The following ARHGAP24 variants were observed in gnomAD, a reference collection of about 807,000 sequenced individuals.
ARHGAP24 encodes rho GTPase-activating protein 24.
Under a neutral mutation model 76.4 loss-of-function variants are expected in ARHGAP24, and 50 were observed. The ratio of observed to expected loss-of-function variants is 0.65; its 90% CI spans 0.52 to 0.83. ARHGAP24 has a LOEUF of 0.83. Ranked by LOEUF, ARHGAP24 falls within the 40% of genes least tolerant of loss-of-function variation. ARHGAP24 has a pLI of 0.00. For missense variants in ARHGAP24, 930 were observed against 914.2 expected (o/e 1.02, Z -0.22); for synonymous variants, 345 against 323.3 (o/e 1.07, Z -0.72).
intron 2 of ARHGAP24, among the ~76,000 whole-genome samples, chr4:85,585,227 C>A (rs182768045): frequency 6.6e-6 from 1 of 152,178 alleles, no homozygotes; most frequent in Non-Finnish European, 1.5e-5. Flanking sequence ...GATTTGTTAA[C>A]AAAAGCAGAT....
At chr4:85,556,539 A>G (rs1276336768) in intron 1 of ARHGAP24, among the ~76,000 whole-genome samples, 2 of 152,184 alleles carry the variant, frequency 1.3e-5, no homozygotes, top group African/African-American at 2.4e-5. Flanking sequence ...CTGCAACTGC[A>G]ATGTCATACA....
intron 2 of ARHGAP24, among the ~76,000 whole-genome samples, chr4:85,621,613 A>AT (rs1003239504): frequency 1.4e-4 from 21 of 150,512 alleles, no homozygotes; most frequent in Non-Finnish European, 2.2e-4. Context: ...TAATGGAGTT[A>AT]TTTTTTTTTC....
At chr4:85,743,138 G>A (rs1342310732) in intron 3 of ARHGAP24, among the ~76,000 whole-genome samples, 1 of 151,924 alleles carries the variant, frequency 6.6e-6, no homozygotes, top group African/African-American at 2.4e-5. Flanking sequence ...AAAGCAAAGA[G>A]AAGACAGTGT....
chr4:85,570,364 C>CTCTTTCTT (rs56272553), intron 1 of ARHGAP24, among the ~76,000 whole-genome samples, 158 bp from the exon 2 acceptor site: 3 of 140,012 alleles, frequency 2.1e-5, no homozygotes, highest in African/African-American at 8.1e-5. Flanking sequence ...TTCTTTCTTT[C>CTCTTTCTT]TCTTTCTTTC....
At chr4:85,767,431 T>C (rs886600433) in intron 3 of ARHGAP24, among the ~76,000 whole-genome samples, 1 of 152,116 alleles carries the variant, frequency 6.6e-6, no homozygotes, top group African/African-American at 2.4e-5. Flanking sequence ...CACATTCACA[T>C]GTGAATGCTT....
chr4:85,519,311 A>G lies in ARHGAP24; in HGVS notation c.-21+43752A>G, dbSNP rs535725671. 2.6e-5 allele frequency among the ~76,000 whole-genome samples: 4 copies of G among 152,210 alleles called. No individual in the cohort carries two copies. In the South Asian group the frequency reaches 6.2e-4, roughly 24 times the overall value. ...TATATATTTACTTTTTAACACATTT[A>G]TTATACCACTATCTAAGGGAAGAAA... On this transcript the variant is annotated intron_variant, in intron 1 of 9. Coordinates refer to ENST00000395184, the MANE Select transcript of ARHGAP24 (RefSeq NM_001025616.3).
At chr4:85,788,487 A>G (rs193032945) in intron 3 of ARHGAP24, among the ~76,000 whole-genome samples, 198 of 152,294 alleles carry the variant, frequency 1.3e-3, no homozygotes, top group African/African-American at 4.6e-3. Context: ...AGGGATTTCA[A>G]AGCTTGAAAT....
intron 3 of ARHGAP24, among the ~76,000 whole-genome samples, chr4:85,751,675 C>T (rs556374797): frequency 1.3e-5 from 2 of 152,160 alleles, no homozygotes; most frequent in Non-Finnish European, 2.9e-5. Context: ...ACTACAAAAG[C>T]ATGGTTTCCT....
chr4:85,911,142 G>A (rs1735053701), intron 3 of ARHGAP24, among the ~76,000 whole-genome samples: 1 of 152,202 alleles, frequency 6.6e-6, no homozygotes, highest in Non-Finnish European at 1.5e-5. Context: ...ACCCAGGAGG[G>A]CGGGGCTCCT....
chr4:85,719,958 G>A (rs1724865287), intron 2 of ARHGAP24, among the ~76,000 whole-genome samples: 1 of 152,020 alleles, frequency 6.6e-6, no homozygotes, highest in African/African-American at 2.4e-5. Context: ...ATTTATAGAA[G>A]GGTAGTTGCT....
At chr4:85,748,176 C>T (rs943370648) in intron 3 of ARHGAP24, among the ~76,000 whole-genome samples, 1 of 152,222 alleles carries the variant, frequency 6.6e-6, no homozygotes, top group African/African-American at 2.4e-5. Flanking sequence ...GTCTTTAACA[C>T]CAGTGAGCAA....
chr4:85,894,626 A>T (rs890105814), intron 3 of ARHGAP24, among the ~76,000 whole-genome samples: 1 of 152,158 alleles, frequency 6.6e-6, no homozygotes, highest in African/African-American at 2.4e-5. Flanking sequence ...TCATTAAAGT[A>T]TTTAGCAGGA....
At chr4:85,625,268 T>G (rs1720900886) in intron 2 of ARHGAP24, among the ~76,000 whole-genome samples, 2 of 152,216 alleles carry the variant, frequency 1.3e-5, no homozygotes, top group African/African-American at 4.8e-5. Context: ...TCTGGTACGT[T>G]GTGTCTTTGT....
intron 2 of ARHGAP24, among the ~76,000 whole-genome samples, chr4:85,693,336 C>G (rs1325065031): frequency 6.6e-6 from 1 of 152,132 alleles, no homozygotes; most frequent in Non-Finnish European, 1.5e-5. Context: ...TGGGCAGAGG[C>G]TGCAGCAAAG....
At chr4:85,936,730 GC>G (rs1195859346) in intron 4 of ARHGAP24, among the ~76,000 whole-genome samples, 2 of 152,128 alleles carry the variant, frequency 1.3e-5, no homozygotes, top group Non-Finnish European at 2.9e-5. Context: ...AGGGGATGAG[GC>G]AATGGAATGT....
intron 3 of ARHGAP24, among the ~76,000 whole-genome samples, chr4:85,838,013 A>T (rs1464449779): frequency 6.6e-6 from 1 of 152,182 alleles, no homozygotes; most frequent in Non-Finnish European, 1.5e-5. Flanking sequence ...TTCTGTTAAC[A>T]TTCTTTATTG....
intron 2 of ARHGAP24, among the ~76,000 whole-genome samples, chr4:85,697,630 G>A (rs1723918296): frequency 6.6e-6 from 1 of 152,200 alleles, no homozygotes; most frequent in Non-Finnish European, 1.5e-5. Context: ...TGTTCTAGAA[G>A]ACAGGTTAAC....
intron 2 of ARHGAP24, among the ~76,000 whole-genome samples, chr4:85,668,372 G>T (rs1290639384): frequency 6.6e-6 from 1 of 152,142 alleles, no homozygotes; most frequent in Admixed American, 6.6e-5. Context: ...CTGGGTGCAG[G>T]CACTTAGCTA....
At chr4:85,677,062 C>T (rs888776449) in intron 2 of ARHGAP24, among the ~76,000 whole-genome samples, 1 of 152,262 alleles carries the variant, frequency 6.6e-6, no homozygotes, top group South Asian at 2.1e-4. Context: ...AAAACGATTT[C>T]GTACAGGCTT....
Sources: allele counts gnomAD v4.1 joint callset (sites outside exome capture counted in the v4.1 genomes callset), GRCh38; gene constraint gnomAD v4.1.1; transcripts MANE v1.5; gene names NCBI Gene and HGNC (gene_info 2026-07-23, HGNC 2026-07-21).